RCOR1: variants seen among roughly 807,000 people sequenced by gnomAD.
RCOR1 encodes REST corepressor.
In RCOR1, 12 loss-of-function variants were observed where a neutral mutation model predicts 64.0. The observed-to-expected ratio is 0.19, with a 90% CI of 0.12 to 0.30. RCOR1 has a LOEUF of 0.30. RCOR1 is among the 10% of genes least tolerant of loss of function. RCOR1 has a pLI of 1.00. For synonymous variants in RCOR1, 279 were observed against 227.2 expected (o/e 1.23, Z -2.05); for missense variants, 502 against 621.2 (o/e 0.81, Z 2.04).
chr14:102,727,545 A>G lies in RCOR1; in HGVS notation c.*1039A>G, dbSNP rs2139999028. The G allele has an allele frequency of 6.6e-6, 1 of 151,512 alleles. No homozygotes were observed. Among genetic ancestry groups the G allele is most frequent in the Middle Eastern group, 3.4e-3 (1 of 294 alleles). 9.4% of individuals were successfully genotyped at this position (151,512 alleles called of 1,614,324 possible). ...AGAATAGCTGGCGCTGGTTTATGAA[A>G]GCTGCGCGTTGTTCCGCGTTCTCTC... On this transcript the variant is annotated 3_prime_UTR_variant, in exon 12 of 12. Transcript: ENST00000262241.
rs71119732 is a variant in RCOR1 at position 102,706,114 on chromosome 14, C to CAAA, written c.499-1211_499-1209dup. On this transcript the variant is annotated intron_variant, in intron 4 of 11. Transcript: ENST00000262241. The stretch of plus-strand genomic sequence containing the variant: ...GGGCAAGGAGAGTGAAACCCTGTCT[C>CAAA]AAAAAAAAAAAAAAAAAAAAAAAAA... Among the ~76,000 whole-genome samples, 144 of 21,336 alleles carry CAAA rather than the reference C, an allele frequency of 6.7e-3. 27 individuals are homozygous for CAAA. The highest frequency in any genetic ancestry group is 0.031 in the African/African-American group (127 of 4,054). The allele number at this position is 21,336 out of a possible 152,430, so 14.0% of individuals were successfully genotyped here.
At chr14:102,647,832 C>T (rs2139926625) in intron 2 of RCOR1, among the ~76,000 whole-genome samples, 1 of 152,200 alleles carries the variant, frequency 6.6e-6, no homozygotes, top group East Asian at 1.9e-4. Context: ...ACGCGTGCCA[C>T]CACACCTGGT....
At chr14:102,613,107 G>C (rs757673847) in intron 2 of RCOR1, among the ~76,000 whole-genome samples, 38 of 151,610 alleles carry the variant, frequency 2.5e-4, no homozygotes, top group Non-Finnish European at 5.2e-4. Flanking sequence ...TTTTTGTTTT[G>C]TTTTGTTTTT....
Position 102,597,378 on chromosome 14 carries a change from G to A in RCOR1, c.361+4053G>A, listed in dbSNP as rs551745885. 3.9e-5 allele frequency among the ~76,000 whole-genome samples: 6 copies of A among 151,938 alleles called. No individual in the cohort carries two copies. In the South Asian group the frequency reaches 1.0e-3, roughly 26 times the overall value. ...GAGTCTCGCTCTTTCACCCAGGCTGGAGTGCAGTGGCATGATCTCAGCTCA... is the reference window on the plus strand; with the variant it reads ...GAGTCTCGCTCTTTCACCCAGGCTGAAGTGCAGTGGCATGATCTCAGCTCA... On this transcript the variant is annotated intron_variant, in intron 2 of 11. Transcript: ENST00000262241.
chr14:102,711,201 A>T (rs1030334927), intron 7 of RCOR1, among the ~76,000 whole-genome samples, 188 bp downstream of exon 7: 1 of 152,266 alleles, frequency 6.6e-6, no homozygotes, highest in African/African-American at 2.4e-5. Flanking sequence ...ATAGATATGA[A>T]TAAAGGAAGG....
At chr14:102,657,098 C>CTT (rs75384883) in intron 2 of RCOR1, 48 of 728,298 alleles carry the variant, frequency 6.6e-5, no homozygotes, top group Middle Eastern at 6.9e-4. Context: ...AAAGCCTAAT[C>CTT]TTTTTTTTTT....
At chr14:102,604,975 G>T (rs1433371676) in intron 2 of RCOR1, among the ~76,000 whole-genome samples, 3 of 150,942 alleles carry the variant, frequency 2.0e-5, no homozygotes, top group East Asian at 1.9e-4. Flanking sequence ...AGGCTGAGGC[G>T]CGAGAATTGC....
chr14:102,623,879 A>G (rs1192400205), intron 2 of RCOR1, among the ~76,000 whole-genome samples: 1 of 150,142 alleles, frequency 6.7e-6, no homozygotes, highest in Non-Finnish European at 1.5e-5. Flanking sequence ...ACACGGTGAA[A>G]CCCCATCTCT....
intron 2 of RCOR1, among the ~76,000 whole-genome samples, chr14:102,663,761 T>C (rs1894867996): frequency 6.6e-6 from 1 of 152,220 alleles, no homozygotes; most frequent in Non-Finnish European, 1.5e-5. Flanking sequence ...TGAAATTAAT[T>C]GGTCTCTGAA....
At chr14:102,624,127 C>T (rs1893931497) in intron 2 of RCOR1, among the ~76,000 whole-genome samples, 3 of 151,750 alleles carry the variant, frequency 2.0e-5, no homozygotes, top group South Asian at 4.1e-4. Context: ...ACCTGGGAGG[C>T]GGAGCTTGCA....
intron 2 of RCOR1, among the ~76,000 whole-genome samples, chr14:102,645,967 G>T (rs549606408): frequency 1.3e-5 from 2 of 151,630 alleles, no homozygotes; most frequent in South Asian, 4.1e-4. Context: ...TGTATGTCCT[G>T]TGGGAGGATG....
intron 2 of RCOR1, among the ~76,000 whole-genome samples, chr14:102,614,863 G>A (rs535657176): frequency 6.7e-6 from 1 of 148,900 alleles, no homozygotes; most frequent in African/African-American, 2.5e-5. Flanking sequence ...ACGGAGTCTC[G>A]CTCTGTCGCC....
chr14:102,685,228 C>T (rs1331179110), intron 3 of RCOR1, among the ~76,000 whole-genome samples: 2 of 151,952 alleles, frequency 1.3e-5, no homozygotes, highest in African/African-American at 4.8e-5. Context: ...TAATTGTTTT[C>T]CACAAAATGT....
At chr14:102,665,936 A>G (rs1314968293) in intron 2 of RCOR1, among the ~76,000 whole-genome samples, 2 of 152,192 alleles carry the variant, frequency 1.3e-5, no homozygotes, top group African/African-American at 4.8e-5. Context: ...GAGTCTTACA[A>G]AGCCATTGTT....
At position 102,592,989 on chromosome 14, in the gene RCOR1, T is replaced by C; in HGVS notation, c.103T>C (p.Ser35Pro). The C allele has an allele frequency of 8.6e-7, 1 of 1,161,848 alleles. No homozygotes were observed. The highest frequency in any genetic ancestry group is 1.1e-6 in the Non-Finnish European group (1 of 943,992). The allele number at this position is 1,161,848 out of a possible 1,614,324, so 72.0% of individuals were successfully genotyped here. A position where few individuals can be genotyped will look rare whatever the true frequency, so the allele number is the denominator to read the frequency against. Residue 35 changes from serine to proline, a missense_variant, in exon 1 of 12, where the codon TCG becomes CCG. Ser to Pro is a moderately conservative substitution (Grantham distance 74, BLOSUM62 -1). Around this residue, in one of 2 missense-constraint regions of RCOR1, gnomAD observed 242 missense variants for 204.9 expected, o/e 1.18. Coordinates refer to ENST00000262241, the MANE Select transcript of RCOR1 (RefSeq NM_015156.4). ...ASAAAASAAA[S>P]AACASPAATA... is the part of the protein sequence containing the mutation. ...CGCCGCCGCCGCCTCCGCCGCCGCC[T>C]CGGCCGCCTGCGCCTCGCCAGCCGC...
chr14:102,721,542 C>A lies in RCOR1; in HGVS notation c.1189+165C>A, dbSNP rs144009619. 7.0e-4 allele frequency: 298 copies of A among 425,206 alleles called. 1 individual carries two copies. In the East Asian group the frequency reaches 9.9e-3, roughly 14 times the overall value. 26.3% of individuals were successfully genotyped at this position (425,206 alleles called of 1,614,324 possible). Reference sequence around the variant, plus strand: ...TTCCAGCCTGGACAACAGAGGGAGACCCTGACTTTAAAAAAAAAAAATTTT... The same window carrying A: ...TTCCAGCCTGGACAACAGAGGGAGAACCTGACTTTAAAAAAAAAAAATTTT... On this transcript the variant is annotated intron_variant, in intron 10 of 11. Coordinates refer to ENST00000262241, the MANE Select transcript of RCOR1 (RefSeq NM_015156.4).
intron 4 of RCOR1, 98 bp from the exon 5 acceptor site, chr14:102,707,253 C>A: frequency 9.7e-7 from 1 of 1,033,352 alleles, no homozygotes; most frequent in Non-Finnish European, 1.4e-6. Context: ...GTTAGTTTGT[C>A]TAAATATGAA....
intron 2 of RCOR1, among the ~76,000 whole-genome samples, chr14:102,593,922 C>T (rs1893189156): frequency 1.3e-5 from 2 of 152,164 alleles, no homozygotes; most frequent in Admixed American, 6.5e-5. Flanking sequence ...TCGCGTGTGG[C>T]AGTTGGATTT....
At chr14:102,726,275 G>A (rs1595248915) in intron 11 of RCOR1, among the ~76,000 whole-genome samples, 193 bp from the exon 12 acceptor site, 1 of 151,174 alleles carries the variant, frequency 6.6e-6, no homozygotes, top group Non-Finnish European at 1.5e-5. Context: ...GCAGCGAGCC[G>A]AGATAGCGCC....
Sources: allele counts gnomAD v4.1 joint callset (sites outside exome capture counted in the v4.1 genomes callset), GRCh38; gene constraint gnomAD v4.1.1; regional missense constraint gnomAD v4.1.1; transcripts MANE v1.5; gene names NCBI Gene and HGNC (gene_info 2026-07-23, HGNC 2026-07-21).